The following SMARCC1 variants were observed in gnomAD, a reference collection of about 807,000 sequenced individuals.
SMARCC1 encodes the protein SWI/SNF related BAF chromatin remodeling complex subunit C1.
SMARCC1 carries 43 observed loss-of-function variants against 147.4 expected under a neutral mutation model. The ratio of observed to expected loss-of-function variants is 0.29; its 90% confidence interval spans 0.23 to 0.38. SMARCC1 has a LOEUF of 0.38. Among genes scored for constraint, SMARCC1 ranks in the 10% least tolerant of loss-of-function variants. The pLI, the probability that SMARCC1 is intolerant of heterozygous loss-of-function variation, is 1.00. For synonymous variants in SMARCC1, 495 were observed against 484.4 expected (o/e 1.02, Z -0.29); for missense variants, 1,119 against 1,381.1 (o/e 0.81, Z 3.01).
At chr3:47,622,393 C>G (rs1163089491) in intron 24 of SMARCC1, 52 bp from the exon 25 acceptor site, 2 of 1,563,742 alleles carry the variant, frequency 1.3e-6, no homozygotes, top group African/African-American at 2.7e-5. Context: ...GCTTAAAGAA[C>G]ATTAAGAAAA....
chr3:47,733,669 A>T (rs1338274720), intron 5 of SMARCC1, among the ~76,000 whole-genome samples: 2 of 151,708 alleles, frequency 1.3e-5, no homozygotes, highest in Non-Finnish European at 2.9e-5. Context: ...GGCGGATCAC[A>T]AGGTCAAGAG....
chr3:47,681,160 A>G (rs563551867), intron 14 of SMARCC1, among the ~76,000 whole-genome samples: 1 of 152,310 alleles, frequency 6.6e-6, no homozygotes, highest in African/African-American at 2.4e-5. Context: ...ATGGTGACAA[A>G]AACAAAGGAG....
intron 21 of SMARCC1, among the ~76,000 whole-genome samples, chr3:47,641,461 GA>G (rs1161517117): frequency 1.3e-5 from 2 of 152,136 alleles, no homozygotes; most frequent in Non-Finnish European, 2.9e-5. Context: ...CTCCAGCCTG[GA>G]TGACAGAGTG....
At chr3:47,661,592 T>C (rs1435073278) in intron 20 of SMARCC1, 137 bp from the exon 21 acceptor site, 7 of 576,650 alleles carry the variant, frequency 1.2e-5, no homozygotes, top group South Asian at 5.4e-5. Context: ...AGTCCCTCTA[T>C]ACCAGAAAAA....
In SMARCC1 at chr3:47,662,575, C is replaced by T. The variant is rs2033360972; in HGVS notation, c.1917G>A (p.Lys639=). Residue 639 remains lysine (K), a synonymous_variant, in exon 20 of 28, where the codon AAG becomes AAA. Coordinates refer to ENST00000254480, the MANE Select transcript of SMARCC1 (RefSeq NM_003074.4). ...GTTCCGACACTTTGTTCCAATCATC[C>T]TTGTACATCTCCAGGGCCTAAGACA... ...LLLLEALEMY[K]DDWNKVSEHV... 3.7e-6 allele frequency: 6 copies of T among 1,613,864 alleles called. No individual in the cohort carries two copies. The highest frequency in any genetic ancestry group is 5.1e-6 in the Non-Finnish European group (6 of 1,179,922).
rs1031074115 is a variant in SMARCC1 at position 47,666,435 on chromosome 3, T to C, written c.1900-3843A>G. 3.6e-5 allele frequency among the ~76,000 whole-genome samples: 5 copies of C among 138,878 alleles called. No homozygotes were observed. In the South Asian group the frequency reaches 1.2e-3, roughly 32 times the overall value. 91.1% of individuals were successfully genotyped at this position (138,878 alleles called of 152,430 possible). On this transcript the variant is annotated intron_variant, in intron 19 of 27. Transcript: ENST00000254480. ...TTCCTTAAAGGTACAGATTGTGTTC[T>C]ACAGATCTCTACCTGCAGTGTCTGT...
chr3:47,632,247 C>T (rs899252272), intron 24 of SMARCC1, among the ~76,000 whole-genome samples: 2 of 151,930 alleles, frequency 1.3e-5, no homozygotes, highest in East Asian at 1.9e-4. Context: ...AAGTTGCACA[C>T]AGTAACAGCT....
intron 10 of SMARCC1, among the ~76,000 whole-genome samples, chr3:47,705,323 CAAAAA>C (rs754344034): frequency 1.9e-5 from 2 of 103,750 alleles, no homozygotes; most frequent in Non-Finnish European, 1.9e-5. Context: ...GACTCCGTCT[CAAAAA>C]AAAAAAAAAA....
intron 10 of SMARCC1, 42 bp from the exon 11 acceptor site, chr3:47,701,444 T>C (rs2033917151): frequency 9.0e-6 from 14 of 1,559,804 alleles, no homozygotes; most frequent in Non-Finnish European, 1.2e-5. Flanking sequence ...AGACTGATTA[T>C]AGCTACTGAT....
At chr3:47,595,250 G>A (rs553529807) in intron 26 of SMARCC1, among the ~76,000 whole-genome samples, 12 of 152,246 alleles carry the variant, frequency 7.9e-5, no homozygotes, top group Admixed American at 3.9e-4. Context: ...ATGGCCAAGC[G>A]GGCGCGATGG....
intron 25 of SMARCC1, among the ~76,000 whole-genome samples, chr3:47,614,652 C>T (rs2032611939): frequency 6.6e-6 from 1 of 152,282 alleles, no homozygotes; most frequent in East Asian, 1.9e-4. Flanking sequence ...CCACGGCTGA[C>T]ACCCTGGTCC....
chr3:47,770,129 G>A (rs1368496299), intron 2 of SMARCC1, among the ~76,000 whole-genome samples: 1 of 152,044 alleles, frequency 6.6e-6, no homozygotes, highest in African/African-American at 2.4e-5. Flanking sequence ...TCGGGAGGCT[G>A]AGGCAGGAGA....
intron 24 of SMARCC1, among the ~76,000 whole-genome samples, chr3:47,622,808 C>T (rs1361148511): frequency 6.6e-6 from 1 of 152,136 alleles, no homozygotes; most frequent in Non-Finnish European, 1.5e-5. Context: ...TGTGTGGAAA[C>T]AAAGGGGAAA....
At chr3:47,770,972 G>A (rs1394366470) in intron 2 of SMARCC1, among the ~76,000 whole-genome samples, 2 of 152,162 alleles carry the variant, frequency 1.3e-5, no homozygotes, top group Middle Eastern at 3.4e-3. Flanking sequence ...AGGCAGTGGC[G>A]CAATCTCGGC....
At chr3:47,646,283 TCTC>T (rs2033120498) in intron 21 of SMARCC1, among the ~76,000 whole-genome samples, 1 of 152,188 alleles carries the variant, frequency 6.6e-6, no homozygotes, top group Non-Finnish European at 1.5e-5. Context: ...AAAGAAAAAG[TCTC>T]TCTTTGGTCT....
At chr3:47,675,024 C>T (rs904705421) in intron 18 of SMARCC1, among the ~76,000 whole-genome samples, 3 of 152,084 alleles carry the variant, frequency 2.0e-5, no homozygotes, top group Non-Finnish European at 2.9e-5. Context: ...TGTGAGCCAC[C>T]GTGTCCAGCC....
At chr3:47,740,977 A>G (rs768985697) in intron 3 of SMARCC1, among the ~76,000 whole-genome samples, 1 of 152,162 alleles carries the variant, frequency 6.6e-6, no homozygotes, top group Non-Finnish European at 1.5e-5. Flanking sequence ...ACACACATAA[A>G]CAACCAGATA....
At chr3:47,666,343 T>C (rs2033419772) in intron 19 of SMARCC1, among the ~76,000 whole-genome samples, 1 of 152,218 alleles carries the variant, frequency 6.6e-6, no homozygotes, top group South Asian at 2.1e-4. Flanking sequence ...CCTCTAATCA[T>C]AAAGCTGGGA....
At chr3:47,593,746 A>G (rs1298569573) in intron 26 of SMARCC1, among the ~76,000 whole-genome samples, 2 of 152,198 alleles carry the variant, frequency 1.3e-5, no homozygotes, top group African/African-American at 4.8e-5. Flanking sequence ...ATCTAAACAA[A>G]GACATACAAA....
Sources: allele counts gnomAD v4.1 joint callset (sites outside exome capture counted in the v4.1 genomes callset), GRCh38; gene constraint gnomAD v4.1.1; transcripts MANE v1.5; gene names NCBI Gene and HGNC (gene_info 2026-07-23, HGNC 2026-07-21).